PARN: variants seen among roughly 807,000 people sequenced by gnomAD.
PARN encodes the protein poly(A)-specific ribonuclease.
Under a neutral mutation model 102.8 loss-of-function variants are expected in PARN, and 71 were observed. The ratio of observed to expected loss-of-function variants is 0.69; its 90% CI spans 0.57 to 0.84. The LOEUF is 0.84. Ranked by LOEUF, PARN falls within the 40% of genes least tolerant of loss-of-function variation. The pLI is 0.00. For synonymous variants in PARN, 261 were observed against 252.9 expected (o/e 1.03, Z -0.30); for missense variants, 782 against 760.9 (o/e 1.03, Z -0.33).
At chr16:14,548,180 G>A (rs528855760) in intron 21 of PARN, among the ~76,000 whole-genome samples, 59 of 151,956 alleles carry the variant, frequency 3.9e-4, no homozygotes, top group Admixed American at 9.8e-4. Context: ...CCTGGGAGGT[G>A]GAGGTTGCAG....
chr16:14,502,828 C>T (rs933731680), intron 21 of PARN, among the ~76,000 whole-genome samples: 1 of 152,192 alleles, frequency 6.6e-6, no homozygotes, highest in Non-Finnish European at 1.5e-5. Flanking sequence ...AGCTACTTCT[C>T]TCTGCTTCCG....
intron 22 of PARN, among the ~76,000 whole-genome samples, chr16:14,467,734 C>A (rs982645627): frequency 6.6e-6 from 1 of 152,142 alleles, no homozygotes. Context: ...TAAGGCAATA[C>A]AAATAAGGTA....
At position 14,488,196 on chromosome 16, in the gene PARN, A is replaced by G. The variant is rs149781176; in HGVS notation, c.1481-5369T>C. ...AATTGTTTATCCATGGGGGGGAAAA[A>G]AAAAGAAATTGGATTCTTAGTCACA... is the stretch of plus-strand genomic sequence containing the variant. On this transcript the variant is annotated intron_variant, in intron 21 of 23. Transcript: ENST00000437198. Among the ~76,000 whole-genome samples the G allele has an allele frequency of 9.1e-3, 1,379 of 152,322 alleles. 22 individuals carry two copies. The highest frequency in any genetic ancestry group is 0.031 in the African/African-American group (1,297 of 41,560).
intron 21 of PARN, among the ~76,000 whole-genome samples, chr16:14,533,960 G>A (rs1157213002): frequency 2.0e-5 from 3 of 152,164 alleles, no homozygotes; most frequent in Admixed American, 1.3e-4. Context: ...GGTGGCTCAC[G>A]CCTGTAATCC....
At chr16:14,609,557 C>A (rs1016797874) in intron 7 of PARN, among the ~76,000 whole-genome samples, 9 of 152,038 alleles carry the variant, frequency 5.9e-5, no homozygotes, top group African/African-American at 2.2e-4. Context: ...GGCAACAGAA[C>A]GAGACCCTGT....
chr16:14,539,049 G>C (rs902103679), intron 21 of PARN, among the ~76,000 whole-genome samples: 1 of 152,136 alleles, frequency 6.6e-6, no homozygotes, highest in Non-Finnish European at 1.5e-5. Context: ...ATGGTGAGTT[G>C]TATAATTATT....
chr16:14,454,129 T>C (rs562010334), intron 22 of PARN, among the ~76,000 whole-genome samples: 52 of 152,148 alleles, frequency 3.4e-4, no homozygotes, highest in Non-Finnish European at 6.3e-4. Flanking sequence ...TAAGAGTACA[T>C]ATGATCATGA....
chr16:14,509,834 T>C (rs1204243165), intron 21 of PARN, among the ~76,000 whole-genome samples: 2 of 152,176 alleles, frequency 1.3e-5, no homozygotes, highest in African/African-American at 4.8e-5. Context: ...TTTCTTTTAG[T>C]AGAAAAGGAA....
intron 21 of PARN, 84 bp downstream of exon 21, chr16:14,551,937 C>A: frequency 1.2e-6 from 1 of 822,572 alleles, no homozygotes; most frequent in Admixed American, 1.9e-5. Context: ...GCTGACTGAG[C>A]CCATAGCTTT....
At chr16:14,549,632 A>ACATCCC (rs1453563181) in intron 21 of PARN, among the ~76,000 whole-genome samples, 1 of 152,250 alleles carries the variant, frequency 6.6e-6, no homozygotes, top group African/African-American at 2.4e-5. Flanking sequence ...AGAAACTTTG[A>ACATCCC]CATCCCATAC....
intron 21 of PARN, among the ~76,000 whole-genome samples, chr16:14,527,740 C>T (rs1417103571): frequency 6.6e-6 from 1 of 152,220 alleles, no homozygotes; most frequent in Non-Finnish European, 1.5e-5. Flanking sequence ...AGGCACCTCA[C>T]ATCCTTCTTG....
chr16:14,459,689 A>C (rs969000569), intron 22 of PARN, among the ~76,000 whole-genome samples: 9 of 152,210 alleles, frequency 5.9e-5, no homozygotes, highest in African/African-American at 2.2e-4. Context: ...GGAAAAGTGA[A>C]TAGAATAAAC....
chr16:14,576,643 C>G (rs886368465), intron 18 of PARN, among the ~76,000 whole-genome samples: 2 of 152,182 alleles, frequency 1.3e-5, no homozygotes, highest in Admixed American at 6.5e-5. Flanking sequence ...CTGACCAAAG[C>G]TATAAAAGCA....
chr16:14,523,224 T>TACACACACAC (rs35250440), intron 21 of PARN, among the ~76,000 whole-genome samples: 31 of 144,234 alleles, frequency 2.1e-4, no homozygotes, highest in African/African-American at 5.9e-4. Flanking sequence ...AACTAACAAG[T>TACACACACAC]ACACACACAC....
At chr16:14,617,569 A>C in intron 6 of PARN, 21 bp downstream of exon 6, 1 of 1,212,724 alleles carries the variant, frequency 8.2e-7, no homozygotes, top group Non-Finnish European at 1.2e-6. Context: ...AGCTCTAAAG[A>C]TAGGTTACCC....
At position 14,607,047 on chromosome 16, in the gene PARN, T is replaced by C. The variant is rs1308552293; in HGVS notation, c.660-521A>G. ...CCTCCCGCCTGGGCCTCCCAAAGTA[T>C]TGGGATTACAGGTGTGAGCCACTGC... is the stretch of plus-strand genomic sequence containing the variant. On this transcript the variant is annotated intron_variant, in intron 9 of 23. Transcript: ENST00000437198. Among the ~76,000 whole-genome samples, 4 of 151,914 alleles carry C rather than the reference T, an allele frequency of 2.6e-5. No individual in the cohort carries two copies. The East Asian group carries it at 5.8e-4, about 22-fold the overall frequency.
At chr16:14,451,435 G>A (rs1474142274) in intron 22 of PARN, among the ~76,000 whole-genome samples, 1 of 152,074 alleles carries the variant, frequency 6.6e-6, no homozygotes, top group African/African-American at 2.4e-5. Context: ...TTCATACAAC[G>A]AAATATAATT....
intron 21 of PARN, among the ~76,000 whole-genome samples, chr16:14,544,914 CA>C (rs1966870700): frequency 6.6e-6 from 1 of 152,200 alleles, no homozygotes; most frequent in Non-Finnish European, 1.5e-5. Flanking sequence ...AGACTGGGCA[CA>C]GTGGCTCATG....
rs141090805 is a variant in PARN, at chr16:14,519,435, T to C, written c.1480+32586A>G. Among the ~76,000 whole-genome samples the C allele has an allele frequency of 5.1e-3, 769 of 152,056 alleles. 9 individuals are homozygous for C. The highest frequency in any genetic ancestry group is 0.018 in the African/African-American group (728 of 41,482). ...ATAACCAACCCAGTACAATGAGCAC[T>C]CTAGCACCCAGAATGAGGTCTCGAA... On this transcript the variant is annotated intron_variant, in intron 21 of 23. Transcript: ENST00000437198.
Sources: allele counts gnomAD v4.1 joint callset (sites outside exome capture counted in the v4.1 genomes callset), GRCh38; gene constraint gnomAD v4.1.1; transcripts MANE v1.5; gene names NCBI Gene and HGNC (gene_info 2026-07-23, HGNC 2026-07-21).